Variants in DMD observed in about 807,000 individuals in gnomAD.
DMD encodes the protein dystrophin.
Under a neutral mutation model 330.1 loss-of-function variants are expected in DMD, and 63 were observed. The ratio of observed to expected loss-of-function variants is 0.19; its 90% CI spans 0.16 to 0.24. The LOEUF (loss-of-function observed/expected upper bound fraction) is 0.24, where lower values mean the gene tolerates loss of function less well. DMD is among the 10% of genes least tolerant of loss of function. DMD has a pLI of 1.00. For missense variants in DMD, 3,344 were observed against 2,684.1 expected (o/e 1.25, Z -5.43); for synonymous variants, 1,223 against 959.8 (o/e 1.27, Z -5.07).
intron 9 of DMD, among the ~76,000 whole-genome samples, chrX:32,656,999 A>G (rs1213411074): frequency 9.8e-6 from 1 of 101,523 alleles, no homozygotes; most frequent in Non-Finnish European, 1.9e-5. Flanking sequence ...CATATATAGT[A>G]TACCAACTTA....
intron 1 of DMD, among the ~76,000 whole-genome samples, chrX:33,130,762 G>C (rs2095494600): frequency 9.0e-6 from 1 of 110,511 alleles, no homozygotes; most frequent in Non-Finnish European, 1.9e-5. Context: ...TGTTGGTCAG[G>C]CTGGTCTCGG....
intron 37 of DMD, among the ~76,000 whole-genome samples, chrX:32,359,785 T>C (rs73462086): frequency 0.029 from 3,266 of 111,002 alleles, 122 homozygotes; most frequent in African/African-American, 0.1. Flanking sequence ...AATTCAATCA[T>C]AGGAAGGAGA....
intron 1 of DMD, among the ~76,000 whole-genome samples, chrX:33,303,776 GT>G (rs745979069): frequency 9.0e-5 from 10 of 111,623 alleles, no homozygotes; most frequent in Admixed American, 1.9e-4. Flanking sequence ...ATGATTGTAA[GT>G]TTCCTGAGGC....
intron 1 of DMD, among the ~76,000 whole-genome samples, chrX:33,333,893 A>C (rs1041812078): frequency 9.0e-6 from 1 of 111,170 alleles, no homozygotes; most frequent in Non-Finnish European, 1.9e-5. Flanking sequence ...ACACACTCAT[A>C]ATGTTATAAA....
chrX:32,943,558 A>G (rs1397434323), intron 2 of DMD, among the ~76,000 whole-genome samples: 1 of 111,216 alleles, frequency 9.0e-6, no homozygotes, highest in Admixed American at 9.6e-5. Flanking sequence ...ATTTTTTAGT[A>G]GCCTCCTACT....
At chrX:32,131,495 C>T (rs1398410075) in intron 44 of DMD, among the ~76,000 whole-genome samples, 1 of 111,654 alleles carries the variant, frequency 9.0e-6, no homozygotes, top group Non-Finnish European at 1.9e-5. Context: ...AGACTACATG[C>T]CTGTCTAGCC....
intron 2 of DMD, among the ~76,000 whole-genome samples, chrX:32,859,913 C>T (rs1302670525): frequency 9.0e-6 from 1 of 111,232 alleles, no homozygotes; most frequent in Non-Finnish European, 1.9e-5. Flanking sequence ...TTGGGCCAGG[C>T]GACCCTGTAG....
At chrX:32,862,158 T>C (rs1448884512) in intron 2 of DMD, among the ~76,000 whole-genome samples, 1 of 112,265 alleles carries the variant, frequency 8.9e-6, no homozygotes, top group Non-Finnish European at 1.9e-5. Flanking sequence ...AATCTGGCTA[T>C]GAAGATCATC....
At chrX:32,065,546 C>A (rs2096254149) in intron 44 of DMD, among the ~76,000 whole-genome samples, 1 of 111,760 alleles carries the variant, frequency 8.9e-6, no homozygotes, top group Admixed American at 9.5e-5. Flanking sequence ...ATCAACATAT[C>A]CTGTATTTGA....
At chrX:31,720,612 C>CA (rs1243667791) in intron 52 of DMD, among the ~76,000 whole-genome samples, 2 of 110,277 alleles carry the variant, frequency 1.8e-5, no homozygotes, top group Non-Finnish European at 3.8e-5. Context: ...ATCTTTATCA[C>CA]AAAAAAGGAA....
At chrX:32,841,366 C>G (rs2080142370) in intron 4 of DMD, among the ~76,000 whole-genome samples, 1 of 111,529 alleles carries the variant, frequency 9.0e-6, no homozygotes, top group Non-Finnish European at 1.9e-5. Context: ...GAAAAGATTA[C>G]AAAACAAATA....
At chrX:32,243,425 T>C (rs2097217035) in intron 43 of DMD, among the ~76,000 whole-genome samples, 1 of 111,937 alleles carries the variant, frequency 8.9e-6, no homozygotes. Flanking sequence ...TTATATGATG[T>C]TAATTAAGAC....
chrX:32,792,279 C>T (rs1360130867), intron 7 of DMD, among the ~76,000 whole-genome samples: 4 of 110,742 alleles, frequency 3.6e-5, no homozygotes, highest in Admixed American at 1.9e-4. Flanking sequence ...CAACTACCAT[C>T]ATGAAAACAC....
intron 19 of DMD, among the ~76,000 whole-genome samples, chrX:32,498,680 T>A (rs1215866548): frequency 8.9e-6 from 1 of 111,815 alleles, no homozygotes. Flanking sequence ...TATTAACTGT[T>A]TTAAAATTCT....
At chrX:32,273,196 T>C (rs73460095) in intron 43 of DMD, among the ~76,000 whole-genome samples, 5,680 of 110,251 alleles carry the variant, frequency 0.052, 374 homozygotes, top group African/African-American at 0.18. Context: ...GAATCAGAGT[T>C]CATAAAATTA....
At chrX:32,956,135 C>T (rs776874205) in intron 2 of DMD, among the ~76,000 whole-genome samples, 26 of 109,907 alleles carry the variant, frequency 2.4e-4, no homozygotes, top group African/African-American at 8.2e-4. Context: ...CTTAGGATTG[C>T]CTTGGCTACT....
intron 1 of DMD, among the ~76,000 whole-genome samples, chrX:33,080,116 C>T (rs1050480813): frequency 7.1e-5 from 8 of 112,260 alleles, no homozygotes; most frequent in Non-Finnish European, 1.3e-4. Flanking sequence ...CTTTTTAGAA[C>T]GCTTTATAAT....
intron 9 of DMD, among the ~76,000 whole-genome samples, chrX:32,672,700 C>G (rs1000116711): frequency 9.1e-6 from 1 of 110,146 alleles, no homozygotes; most frequent in African/African-American, 3.3e-5. Context: ...TTCTGCTTGA[C>G]TGAGAAAAAA....
chrX:32,715,092 C>T (rs988942256), intron 7 of DMD, among the ~76,000 whole-genome samples: 3 of 111,470 alleles, frequency 2.7e-5, no homozygotes, highest in Non-Finnish European at 5.6e-5. Flanking sequence ...TGACCTACAT[C>T]TCCCCATTTC....
Sources: gnomAD v4.1 joint callset for allele counts (sites outside exome capture counted in the v4.1 genomes callset) on GRCh38, gnomAD v4.1.1 for gene constraint, MANE v1.5 for transcripts, NCBI Gene and HGNC (gene_info 2026-07-23, HGNC 2026-07-21) for gene names.